Variants in PACRG observed in about 807,000 individuals in gnomAD.
The protein encoded by PACRG is parkin coregulated gene protein.
A neutral mutation model predicts 29.7 loss-of-function variants in PACRG; 29 were observed. The ratio of observed to expected loss-of-function variants is 0.98; its 90% CI spans 0.73 to 1.33. The LOEUF (loss-of-function observed/expected upper bound fraction) is 1.33, where lower values mean the gene tolerates loss of function less well. PACRG is among the 40% of genes most tolerant of loss of function. The pLI, the probability that PACRG is intolerant of heterozygous loss-of-function variation, is 0.00. For missense variants in PACRG, 279 were observed against 316.2 expected, an observed-to-expected ratio of 0.88 and a Z score of 0.89; for synonymous variants, 116 against 118.7, an observed-to-expected ratio of 0.98 and a Z score of 0.15.
At chr6:163,145,914 GA>G (rs1228857117) in intron 4 of PACRG, among the ~76,000 whole-genome samples, 2 of 152,204 alleles carry the variant, frequency 1.3e-5, no homozygotes, top group Non-Finnish European at 2.9e-5. Context: ...GGTGAGGAGA[GA>G]GAGCTGCTGG....
At chr6:163,130,594 A>G (rs1248714108) in intron 4 of PACRG, among the ~76,000 whole-genome samples, 2 of 152,168 alleles carry the variant, frequency 1.3e-5, no homozygotes, top group Non-Finnish European at 2.9e-5. Flanking sequence ...CCTGCACAAT[A>G]ATGTCAAGAC....
chr6:162,990,151 G>C (rs1329597569), intron 2 of PACRG, among the ~76,000 whole-genome samples: 1 of 151,470 alleles, frequency 6.6e-6, no homozygotes, highest in Non-Finnish European at 1.5e-5. Context: ...TTGGACATTT[G>C]GGTTGGTTCC....
At chr6:162,877,381 A>G (rs2128005781) in intron 2 of PACRG, among the ~76,000 whole-genome samples, 1 of 152,234 alleles carries the variant, frequency 6.6e-6, no homozygotes, top group African/African-American at 2.4e-5. Flanking sequence ...TGGGAGTTGA[A>G]CAATGAGAAC....
intron 1 of PACRG, among the ~76,000 whole-genome samples, chr6:162,813,096 CTAATA>C (rs1354348428): frequency 6.6e-6 from 1 of 151,670 alleles, no homozygotes; most frequent in African/African-American, 2.4e-5. Context: ...TTTTTCATAT[CTAATA>C]TGTGTATTGT....
chr6:163,095,215 C>G, intron 4 of PACRG: 1 of 972,244 alleles, frequency 1.0e-6, no homozygotes, highest in Non-Finnish European at 1.2e-6. Context: ...TGCCTTTCCT[C>G]TTCACTGAGA....
At chr6:163,252,282 T>TCGG (rs1416558975) in intron 4 of PACRG, among the ~76,000 whole-genome samples, 1 of 152,240 alleles carries the variant, frequency 6.6e-6, no homozygotes. Flanking sequence ...TCGCTGACGC[T>TCGG]CGGCCAGGCG....
chr6:163,261,633 C>T (rs1783329628), intron 4 of PACRG, among the ~76,000 whole-genome samples: 3 of 152,228 alleles, frequency 2.0e-5, no homozygotes, highest in Admixed American at 2.0e-4. Flanking sequence ...CTGGTCAGCC[C>T]TGCTGGCCGG....
At chr6:163,036,869 C>T (rs866911894) in intron 2 of PACRG, among the ~76,000 whole-genome samples, 6 of 56,812 alleles carry the variant, frequency 1.1e-4, no homozygotes, top group Non-Finnish European at 1.9e-4. Flanking sequence ...TCCATCCATC[C>T]ATCCATCCAT....
At chr6:162,761,034 G>A (rs1035511882) in intron 1 of PACRG, among the ~76,000 whole-genome samples, 1 of 152,202 alleles carries the variant, frequency 6.6e-6, no homozygotes, top group Non-Finnish European at 1.5e-5. Flanking sequence ...TCACATAGCA[G>A]AGTAGAATCT....
intron 4 of PACRG, among the ~76,000 whole-genome samples, chr6:163,268,405 A>AAAAAAAAAAAAAAAAT (rs71008143): frequency 2.1e-5 from 3 of 143,788 alleles, no homozygotes; most frequent in Non-Finnish European, 1.5e-5. Flanking sequence ...GTCTCAAAGA[A>AAAAAAAAAAAAAAAAT]AAAAAAAAAG....
At chr6:163,035,812 C>CAA (rs1156795173) in intron 2 of PACRG, among the ~76,000 whole-genome samples, 1,689 of 63,042 alleles carry the variant, frequency 0.027, 62 homozygotes, top group Middle Eastern at 0.034. Context: ...GACTCTGTCT[C>CAA]AAAAAAAAAA....
chr6:162,743,449 A>G (rs1382229139), intron 1 of PACRG, among the ~76,000 whole-genome samples: 1 of 152,150 alleles, frequency 6.6e-6, no homozygotes, highest in African/African-American at 2.4e-5. Context: ...TCATACATAT[A>G]TCATACTATA....
Position 162,924,243 on chromosome 6 carries a change from C to T in PACRG, c.291+109962C>T, listed in dbSNP as rs2137877. ...TGTTGTTTGTATGTGGATTTGCATCCTGTGCCTTTACTGATTTCCCTTATC... is the reference window on the plus strand; with the variant it reads ...TGTTGTTTGTATGTGGATTTGCATCTTGTGCCTTTACTGATTTCCCTTATC... On this transcript the variant is annotated intron_variant, in intron 2 of 4. Transcript: ENST00000366888. 3.4e-4 allele frequency among the ~76,000 whole-genome samples: 52 copies of T among 151,782 alleles called. 1 individual carries two copies. Among genetic ancestry groups the T allele is most frequent in the Admixed American group, 3.3e-3 (51 of 15,226 alleles).
In PACRG at chr6:163,097,809, T is replaced by G. The variant is rs565140067; in HGVS notation, c.613+8401T>G. On this transcript the variant is annotated intron_variant, in intron 4 of 4. Transcript: ENST00000366888. Reference sequence around the variant, plus strand: ...GCTGTGGAAACCAGGTTTCTTATTATGTAGATGAAGTCTCATAGGTGGTAC... The same window carrying G: ...GCTGTGGAAACCAGGTTTCTTATTAGGTAGATGAAGTCTCATAGGTGGTAC... Among the ~76,000 whole-genome samples, 40 of 152,236 alleles carry G rather than the reference T, an allele frequency of 2.6e-4. 1 individual carries two copies. The South Asian group carries it at 7.5e-3, about 28-fold the overall frequency.
In PACRG at chr6:163,269,943, G is replaced by GAAAAC. The variant is rs1223358624; in HGVS notation, c.614-44881_614-44880insACAAA. On this transcript the variant is annotated intron_variant, in intron 4 of 4. Coordinates refer to ENST00000366888, the MANE Select transcript of PACRG (RefSeq NM_001080379.2). ...GAAAGAAAGAAAACAAAGAAAGAAA[G>GAAAAC]AAAGAAAGAAAGAAAGAAAGAAAGA... 6.5e-3 allele frequency among the ~76,000 whole-genome samples: 176 copies of GAAAAC among 26,904 alleles called. 1 individual carries two copies. The highest frequency in any genetic ancestry group is 0.015 in the Middle Eastern group (1 of 66). 17.7% of individuals were successfully genotyped at this position (26,904 alleles called of 152,430 possible). A position where few individuals can be genotyped will look rare whatever the true frequency, so the allele number is the denominator to read the frequency against.
intron 1 of PACRG, among the ~76,000 whole-genome samples, chr6:162,733,694 G>A (rs113341308): frequency 1.3e-5 from 2 of 152,068 alleles, no homozygotes; most frequent in African/African-American, 4.8e-5. Flanking sequence ...CCCTGCCTCC[G>A]GAACTCAGTT....
rs1562350503 is a variant in PACRG at position 163,269,987 on chromosome 6, GAA to G, written c.614-44838_614-44837del. ...AGAAAGAAAGAAAGAAAGAAAGAAA[GAA>G]AGAAAGAAAGAAAGAAAGGAGGGAG... is the stretch of plus-strand genomic sequence containing the variant. On this transcript the variant is annotated intron_variant, in intron 4 of 4. Coordinates refer to ENST00000366888, the MANE Select transcript of PACRG (RefSeq NM_001080379.2). Among the ~76,000 whole-genome samples, 3 of 101,942 alleles carry G rather than the reference GAA, an allele frequency of 2.9e-5. 1 individual carries two copies. Among genetic ancestry groups the G allele is most frequent in the Non-Finnish European group, 6.1e-5 (3 of 49,368 alleles). 66.9% of individuals were successfully genotyped at this position (101,942 alleles called of 152,430 possible).
At chr6:163,007,583 A>T (rs1351470920) in intron 2 of PACRG, among the ~76,000 whole-genome samples, 1 of 152,004 alleles carries the variant, frequency 6.6e-6, no homozygotes, top group Non-Finnish European at 1.5e-5. Flanking sequence ...TTTTTGCTAT[A>T]CTGACTGCAG....
chr6:162,871,774 T>C (rs1156981626), intron 2 of PACRG, among the ~76,000 whole-genome samples: 5 of 151,740 alleles, frequency 3.3e-5, no homozygotes, highest in South Asian at 4.2e-4. Flanking sequence ...AAAAATTAGC[T>C]GGGCGTGGTA....
Sources: allele counts gnomAD v4.1 joint callset (sites outside exome capture counted in the v4.1 genomes callset), GRCh38; gene constraint gnomAD v4.1.1; transcripts MANE v1.5; gene names NCBI Gene and HGNC (gene_info 2026-07-23, HGNC 2026-07-21).